SLC9A3: variants seen among roughly 807,000 people sequenced by gnomAD.
The protein encoded by SLC9A3 is sodium/hydrogen exchanger 3.
A neutral mutation model predicts 86.8 loss-of-function variants in SLC9A3; 37 were observed. That is an observed-to-expected ratio of 0.43 (90% CI 0.33 to 0.56). The LOEUF (loss-of-function observed/expected upper bound fraction) is 0.56. SLC9A3 is among the 20% of genes least tolerant of loss of function. SLC9A3 has a pLI of 0.06. For synonymous variants in SLC9A3, 581 were observed against 528.3 expected, an observed-to-expected ratio of 1.10 and a Z score of -1.37; for missense variants, 1,011 against 1,171.9, an observed-to-expected ratio of 0.86 and a Z score of 2.00.
intron 1 of SLC9A3, among the ~76,000 whole-genome samples, chr5:519,818 G>A (rs1168491526): frequency 1.3e-5 from 2 of 152,018 alleles, no homozygotes; most frequent in African/African-American, 4.8e-5. Flanking sequence ...TGGGGGTAAC[G>A]CCGCTCAGAG....
rs989416751 is a variant in SLC9A3 at position 491,725 on chromosome 5, AC to A, written c.514+43del. On this transcript the variant is annotated intron_variant, in intron 2 of 16. Transcript: ENST00000264938. This position sits in a 1 kb window ranked among gnomAD's most constrained non-coding sequence, Gnocchi z 9.2. ...GATGAGGCAGCGCCGCCCCTCCCGG[AC>A]CCCACCCTGATCCCGGCCGGGGCAA... 1 of 1,464,116 alleles carries A rather than the reference AC, an allele frequency of 6.8e-7. No homozygotes were observed. The highest frequency in any genetic ancestry group is 1.4e-5 in the African/African-American group (1 of 71,134). 90.7% of individuals were successfully genotyped at this position (1,464,116 alleles called of 1,614,324 possible).
intron 14 of SLC9A3, 91 bp downstream of exon 14, chr5:475,929 G>A: frequency 3.5e-6 from 4 of 1,155,850 alleles, no homozygotes; most frequent in Non-Finnish European, 4.9e-6. Flanking sequence ...AGAGGGGAAG[G>A]TCCTGAGAGG....
At chr5:494,393 G>A (rs1490026818) in intron 1 of SLC9A3, among the ~76,000 whole-genome samples, 1 of 152,196 alleles carries the variant, frequency 6.6e-6, no homozygotes, top group East Asian at 1.9e-4. Flanking sequence ...CGAGGGGAAG[G>A]CTGTGGCCTC....
At chr5:502,492 C>A (rs1176589422) in intron 1 of SLC9A3, among the ~76,000 whole-genome samples, 3 of 152,226 alleles carry the variant, frequency 2.0e-5, no homozygotes, top group Non-Finnish European at 4.4e-5. Context: ...CAGTCCCCGG[C>A]AAGACACCGG....
intron 6 of SLC9A3, 79 bp from the exon 7 acceptor site, chr5:482,829 T>C: frequency 8.5e-7 from 1 of 1,179,916 alleles, no homozygotes; most frequent in South Asian, 1.4e-5. Context: ...GGACAGCGTC[T>C]TGGCGGCCAA....
At chr5:499,650 T>G (rs548773838) in intron 1 of SLC9A3, among the ~76,000 whole-genome samples, 6 of 152,352 alleles carry the variant, frequency 3.9e-5, no homozygotes, top group African/African-American at 9.6e-5. Flanking sequence ...CAGTGCCTGA[T>G]GCCGTCTGCA....
chr5:500,506 G>T (rs1423313207), intron 1 of SLC9A3, among the ~76,000 whole-genome samples: 2 of 151,126 alleles, frequency 1.3e-5, no homozygotes, highest in Non-Finnish European at 3.0e-5. Flanking sequence ...CGGGGCCAGT[G>T]TAGATGGGGC....
chr5:495,383 C>G (rs1490790877), intron 1 of SLC9A3, among the ~76,000 whole-genome samples: 6 of 148,618 alleles, frequency 4.0e-5, no homozygotes, highest in African/African-American at 1.5e-4. Flanking sequence ...CAGTGCTCCC[C>G]GCGCCATCGC....
At chr5:514,252 G>A (rs1358862629) in intron 1 of SLC9A3, among the ~76,000 whole-genome samples, 2 of 152,120 alleles carry the variant, frequency 1.3e-5, no homozygotes, top group African/African-American at 4.8e-5. Flanking sequence ...AGGCAGTCCC[G>A]GTTCCAAGAC....
Position 476,015 on chromosome 5 carries a change from C to G in SLC9A3, c.2140+5G>C, listed in dbSNP as rs2126604478. The G allele has an allele frequency of 6.2e-7, 1 of 1,607,542 alleles. No homozygotes were observed. The highest frequency in any genetic ancestry group is 2.2e-5 in the East Asian group (1 of 44,786). ...CCCAGCGTTCCTGCAGGGCCCCCAG[C>G]GCACCTTTCTCCTTGATGGTGAAAT... On this transcript the variant is annotated splice_donor_5th_base_variant and intron_variant, in intron 14 of 16. Coordinates refer to ENST00000264938, the MANE Select transcript of SLC9A3 (RefSeq NM_004174.4).
intron 3 of SLC9A3, among the ~76,000 whole-genome samples, chr5:486,634 G>A (rs180826436): frequency 4.9e-4 from 75 of 152,256 alleles, no homozygotes; most frequent in African/African-American, 1.7e-3. Flanking sequence ...TTGTGCCCCC[G>A]AAATTCCCAT....
chr5:511,743 C>T (rs1740876959), intron 1 of SLC9A3, among the ~76,000 whole-genome samples: 1 of 152,222 alleles, frequency 6.6e-6, no homozygotes, highest in South Asian at 2.1e-4. Context: ...TCCTACAAAC[C>T]TAAGCAGGCC....
At chr5:506,522 G>C (rs1021370396) in intron 1 of SLC9A3, among the ~76,000 whole-genome samples, 13 of 152,342 alleles carry the variant, frequency 8.5e-5, no homozygotes, top group African/African-American at 3.1e-4. Context: ...CCACTCCAGA[G>C]CTGGGACAGC....
chr5:485,139 C>T lies in SLC9A3; in HGVS notation c.754+14G>A. On this transcript the variant is annotated intron_variant, in intron 4 of 16. Transcript: ENST00000264938. ...GACACGGCCGCCCACTCCCCCTGAC[C>T]CACAGCTACACACCTATGCCCTTCA... The T allele has an allele frequency of 6.2e-7, 1 of 1,604,572 alleles. No individual in the cohort carries two copies. The highest frequency in any genetic ancestry group is 8.5e-7 in the Non-Finnish European group (1 of 1,171,302).
chr5:487,856 C>T (rs910033650), intron 3 of SLC9A3, among the ~76,000 whole-genome samples: 1 of 152,002 alleles, frequency 6.6e-6, no homozygotes, highest in East Asian at 1.9e-4. Context: ...TTAGTAGAGA[C>T]GGGGTTTCAC....
At position 479,917 on chromosome 5, in the gene SLC9A3, C is replaced by T. The variant is rs1269845254; in HGVS notation, c.1566G>A (p.Arg522=). ...RKFLSRVLMR[R]SAQKSRDRIL... The stretch of plus-strand genomic sequence containing the variant: ...TCCGGTCTCGAGACTTCTGGGCCGA[C>T]CGTCTCATGAGGACCCTGCTGAGGA... Residue 522 remains arginine, a synonymous_variant, in exon 10 of 17, where the codon CGG becomes CGA. Transcript: ENST00000264938. 6.2e-7 allele frequency: 1 copy of T among 1,614,002 alleles called. No homozygotes were observed. The highest frequency in any genetic ancestry group is 2.2e-5 in the East Asian group (1 of 44,886).
intron 1 of SLC9A3, among the ~76,000 whole-genome samples, chr5:518,615 G>A (rs1041339126): frequency 2.0e-5 from 3 of 152,196 alleles, no homozygotes; most frequent in Admixed American, 2.0e-4. Context: ...TGATGTGCAG[G>A]ATGGGAACCC....
At position 476,021 on chromosome 5, in the gene SLC9A3, T is replaced by A. The variant is rs781152727; in HGVS notation, c.2139A>T (p.Lys713Asn). ...GTTCCTGCAGGGCCCCCAGCGCACCTTTCTCCTTGATGGTGAAATTCTGCG... is the reference window on the plus strand; with the variant it reads ...GTTCCTGCAGGGCCCCCAGCGCACCATTCTCCTTGATGGTGAAATTCTGCG... Reference protein sequence around the residue: ...SPAQNFTIKEKDLELSDTEEP... With the variant: ...SPAQNFTIKENDLELSDTEEP... The change falls in exon 14 of 17, where the codon AAA (lysine) becomes AAT (asparagine). Residue 713 changes from lysine (K) to asparagine (N), a missense_variant and splice_region_variant. Around this residue, in one of 3 missense-constraint regions of SLC9A3, gnomAD observed 397 missense variants for 346.3 expected, o/e 1.15. Coordinates refer to ENST00000264938, the MANE Select transcript of SLC9A3 (RefSeq NM_004174.4). The A allele has an allele frequency of 1.2e-6, 2 of 1,611,118 alleles. No individual in the cohort carries two copies. The highest frequency in any genetic ancestry group is 2.2e-5 in the South Asian group (2 of 90,686).
chr5:486,972 A>C (rs867764438), intron 3 of SLC9A3, among the ~76,000 whole-genome samples: 7 of 21,618 alleles, frequency 3.2e-4, no homozygotes, highest in Admixed American at 1.2e-3. Flanking sequence ...ACCGTGATCC[A>C]GACCGCACTG....
Sources: allele counts gnomAD v4.1 joint callset (sites outside exome capture counted in the v4.1 genomes callset), GRCh38; gene constraint gnomAD v4.1.1; regional missense constraint gnomAD v4.1.1; non-coding constraint Gnocchi (gnomAD v3.1); transcripts MANE v1.5; gene names NCBI Gene and HGNC (gene_info 2026-07-23, HGNC 2026-07-21).